EARS2: variants seen among roughly 807,000 people sequenced by gnomAD.
EARS2 encodes the protein glutamyl-tRNA synthetase 2, mitochondrial, also known as nondiscriminating glutamyl-tRNA synthetase EARS2, mitochondrial.
In EARS2, 50 loss-of-function variants were observed where a neutral mutation model predicts 54.1. That is an observed-to-expected ratio of 0.92 (90% confidence interval 0.74 to 1.17). The LOEUF is 1.17. Ranked by LOEUF, EARS2 falls within the 50% of genes most tolerant of loss-of-function variation. The pLI is 0.00. For missense variants in EARS2, 673 were observed against 675.0 expected (o/e 1.00, Z 0.03); for synonymous variants, 298 against 281.0 (o/e 1.06, Z -0.61).
At chr16:23,548,012 C>A (rs1302156055) in intron 2 of EARS2, among the ~76,000 whole-genome samples, 2 of 151,796 alleles carry the variant, frequency 1.3e-5, no homozygotes, top group Non-Finnish European at 2.9e-5. Flanking sequence ...GGGCAGATCA[C>A]GAGGTCAGGA....
intron 7 of EARS2, among the ~76,000 whole-genome samples, chr16:23,528,845 C>T (rs1965273660): frequency 6.6e-6 from 1 of 152,208 alleles, no homozygotes; most frequent in Non-Finnish European, 1.5e-5. Flanking sequence ...CAGATTGCTA[C>T]ATAATGGAGA....
At chr16:23,543,241 A>AT (rs1567386357) in intron 3 of EARS2, among the ~76,000 whole-genome samples, 2 of 151,624 alleles carry the variant, frequency 1.3e-5, no homozygotes, top group Non-Finnish European at 2.9e-5. Flanking sequence ...CAACATAGTG[A>AT]GATCCCCATC....
At chr16:23,537,402 T>G (rs1965438742) in intron 3 of EARS2, 1 of 152,376 alleles carries the variant, frequency 6.6e-6, no homozygotes, top group South Asian at 2.1e-4. Flanking sequence ...ATAACATGTT[T>G]CAGATTGGGA....
intron 3 of EARS2, among the ~76,000 whole-genome samples, chr16:23,541,264 T>C (rs924555671): frequency 4.6e-5 from 7 of 152,030 alleles, no homozygotes; most frequent in African/African-American, 7.3e-5. Context: ...GAGATGGAGA[T>C]TGCAGTGAGC....
rs1226470603 is a variant in EARS2 at position 23,522,864 on chromosome 16, T to C, written c.*1507A>G. 6.6e-6 allele frequency: 1 copy of C among 152,200 alleles called. No homozygotes were observed. Among genetic ancestry groups the C allele is most frequent in the Non-Finnish European group, 1.5e-5 (1 of 68,056 alleles). The allele number at this position is 152,200 out of a possible 1,614,324, so 9.4% of individuals were successfully genotyped here. A position where few individuals can be genotyped will look rare whatever the true frequency, so the allele number is the denominator to read the frequency against. The stretch of plus-strand genomic sequence containing the variant: ...CTAGGATTGCGGTCATGTGAATGCT[T>C]GGCTGGAATTGAAGGACCAGCTTTC... On this transcript the variant is annotated 3_prime_UTR_variant, in exon 9 of 9. Transcript: ENST00000449606.
chr16:23,556,355 C>T (rs1965784395), intron 1 of EARS2, among the ~76,000 whole-genome samples: 1 of 152,128 alleles, frequency 6.6e-6, no homozygotes, highest in Admixed American at 6.6e-5. Flanking sequence ...CCAGAAGGTT[C>T]CTTCTTTTTT....
chr16:23,555,816 G>C (rs1268251092), intron 1 of EARS2, among the ~76,000 whole-genome samples: 1 of 152,202 alleles, frequency 6.6e-6, no homozygotes, highest in Non-Finnish European at 1.5e-5. Flanking sequence ...TGAGTAGCTG[G>C]GATTACAGGC....
intron 3 of EARS2, 26 bp from the exon 4 acceptor site, chr16:23,535,386 T>C (rs1965401305): frequency 6.3e-7 from 1 of 1,581,856 alleles, no homozygotes; most frequent in African/African-American, 1.3e-5. Flanking sequence ...GCAGCATGAG[T>C]ACTGTTGATG....
chr16:23,555,000 G>A (rs569339430), intron 1 of EARS2, among the ~76,000 whole-genome samples: 1 of 152,254 alleles, frequency 6.6e-6, no homozygotes, highest in East Asian at 1.9e-4. Context: ...TTTCCCACAT[G>A]GGCTTTCCCC....
At chr16:23,526,922 T>G (rs1965238340) in intron 7 of EARS2, among the ~76,000 whole-genome samples, 1 of 152,080 alleles carries the variant, frequency 6.6e-6, no homozygotes, top group Non-Finnish European at 1.5e-5. Context: ...GATGAGTATA[T>G]TTCACTGCAA....
intron 3 of EARS2, chr16:23,535,564 G>C (rs1032251011): frequency 6.2e-5 from 37 of 593,944 alleles, no homozygotes; most frequent in Admixed American, 8.9e-5. Context: ...CTATCTACCA[G>C]CCATTCCACG....
rs1965183850 is a variant in EARS2 at position 23,524,088 on chromosome 16, T to C, written c.*283A>G. On this transcript the variant is annotated 3_prime_UTR_variant, in exon 9 of 9. Transcript: ENST00000449606. ...CTGTTCCGGGATGTTAACTTTTCTGTGAACTAACTCCAAACCTCTGCTGTG... is the reference window on the plus strand; with the variant it reads ...CTGTTCCGGGATGTTAACTTTTCTGCGAACTAACTCCAAACCTCTGCTGTG... 1 of 463,352 alleles carries C rather than the reference T, an allele frequency of 2.2e-6. No homozygotes were observed. The highest frequency in any genetic ancestry group is 2.0e-5 in the African/African-American group (1 of 50,554). The allele number at this position is 463,352 out of a possible 1,614,324, so 28.7% of individuals were successfully genotyped here. A position where few individuals can be genotyped will look rare whatever the true frequency, so the allele number is the denominator to read the frequency against.
intron 1 of EARS2, among the ~76,000 whole-genome samples, chr16:23,554,714 T>A: frequency 6.6e-6 from 1 of 152,204 alleles, no homozygotes; most frequent in Non-Finnish European, 1.5e-5. Flanking sequence ...GGAACCCAGC[T>A]GCTGAAAACA....
At chr16:23,543,920 G>C (rs2142183912) in intron 3 of EARS2, among the ~76,000 whole-genome samples, 1 of 152,180 alleles carries the variant, frequency 6.6e-6, no homozygotes, top group African/African-American at 2.4e-5. Context: ...ATGTGTATAA[G>C]GCGTACATGA....
chr16:23,550,624 A>G (rs1313748219), intron 2 of EARS2, among the ~76,000 whole-genome samples: 5 of 151,974 alleles, frequency 3.3e-5, no homozygotes, highest in Non-Finnish European at 7.4e-5. Context: ...TTTTTAGTAG[A>G]GATGGGGTTT....
chr16:23,525,551 G>C (rs566965362), intron 7 of EARS2, among the ~76,000 whole-genome samples, 172 bp from the exon 8 acceptor site: 59 of 152,140 alleles, frequency 3.9e-4, no homozygotes, highest in Non-Finnish European at 7.6e-4. Context: ...TATCCAGGTC[G>C]GGAAGGAAAA....
intron 2 of EARS2, among the ~76,000 whole-genome samples, chr16:23,551,858 T>A (rs897788651): frequency 1.3e-5 from 2 of 152,114 alleles, no homozygotes; most frequent in Non-Finnish European, 2.9e-5. Context: ...AGGCGGAGCT[T>A]GCAGTGAGCC....
In EARS2 at chr16:23,532,682, G is replaced by T; in HGVS notation, c.1042C>A (p.Leu348Met). 6.2e-7 allele frequency: 1 copy of T among 1,614,030 alleles called. No individual in the cohort carries two copies. The change falls in exon 5 of 9, where the codon CTG (leucine) becomes ATG (methionine). Residue 348 changes from leucine (L) to methionine (M), a missense_variant. This residue lies in a region of EARS2 where 338 missense variants were observed against 361.2 expected (regional missense o/e 0.94). Coordinates refer to ENST00000449606, the MANE Select transcript of EARS2 (RefSeq NM_001083614.2). The part of the protein sequence containing the change: ...QVTCHSALLD[L>M]EKLPEFNRLH... The stretch of plus-strand genomic sequence containing the variant: ...CTGTTGAATTCTGGGAGCTTCTCCA[G>T]GTCCAGCAGGGCTGAGTGACAGGTG...
chr16:23,536,767 C>T (rs991677772), intron 3 of EARS2, among the ~76,000 whole-genome samples: 2 of 150,894 alleles, frequency 1.3e-5, no homozygotes, highest in African/African-American at 4.9e-5. Context: ...ACTGCAACCT[C>T]CACCTCCAGG....
Sources: allele counts gnomAD v4.1 joint callset (sites outside exome capture counted in the v4.1 genomes callset), GRCh38; gene constraint gnomAD v4.1.1; regional missense constraint gnomAD v4.1.1; transcripts MANE v1.5; gene names NCBI Gene and HGNC (gene_info 2026-07-23, HGNC 2026-07-21).